Variants in HMMR observed in about 807,000 individuals in gnomAD.
HMMR encodes the protein intracellular hyaluronic acid-binding protein.
HMMR carries 108 observed loss-of-function variants against 101.0 expected under a neutral mutation model. The observed-to-expected ratio is 1.07, with a 90% CI of 0.92 to 1.25. The LOEUF (loss-of-function observed/expected upper bound fraction) is 1.25, where lower values mean the gene tolerates loss of function less well. Ranked by LOEUF, HMMR falls within the 50% of genes most tolerant of loss-of-function variation. The pLI, the probability that HMMR is intolerant of heterozygous loss-of-function variation, is 0.00. For missense variants in HMMR, 813 were observed against 788.7 expected (o/e 1.03, Z -0.37); for synonymous variants, 296 against 276.4 (o/e 1.07, Z -0.70).
chr5:163,483,393 TTG>T, intron 15 of HMMR, 26 bp downstream of exon 15: 1 of 1,256,936 alleles, frequency 8.0e-7, no homozygotes. Flanking sequence ...GTAAACTTAC[TTG>T]TGTTTATTTT....
At chr5:163,465,656 A>C (rs1027056057) in intron 3 of HMMR, among the ~76,000 whole-genome samples, 24 of 152,098 alleles carry the variant, frequency 1.6e-4, no homozygotes, top group African/African-American at 4.6e-4. Context: ...CCGCCATATA[A>C]TACTTTTTAA....
At chr5:163,480,927 G>T (rs888421334) in intron 12 of HMMR, among the ~76,000 whole-genome samples, 6 of 151,836 alleles carry the variant, frequency 4.0e-5, no homozygotes, top group Non-Finnish European at 8.8e-5. Flanking sequence ...GGAAATTCTT[G>T]ATTTCAATAT....
chr5:163,463,414 C>T (rs866210229), intron 1 of HMMR, among the ~76,000 whole-genome samples: 6 of 152,094 alleles, frequency 3.9e-5, no homozygotes, highest in Non-Finnish European at 7.4e-5. Flanking sequence ...TTGATATTAG[C>T]CAGAGATGGA....
intron 2 of HMMR, 112 bp from the exon 3 acceptor site, chr5:163,464,611 A>G: frequency 4.0e-6 from 3 of 751,790 alleles, no homozygotes; most frequent in East Asian, 2.7e-5. Context: ...GACTGTCTCA[A>G]AAAACAAAAA....
intron 1 of HMMR, 145 bp from the exon 2 acceptor site, chr5:163,463,711 T>A (rs917145451): frequency 4.7e-6 from 2 of 424,462 alleles, no homozygotes; most frequent in African/African-American, 4.1e-5. Flanking sequence ...TTCTTTGTAA[T>A]ATCAAATGGA....
chr5:163,475,524 CTGTT>C lies in HMMR; in HGVS notation c.1123_1126del (p.Phe375ArgfsTer4), dbSNP rs1231408532. 1.7e-5 allele frequency: 27 copies of C among 1,608,918 alleles called. No homozygotes were observed. The highest frequency in any genetic ancestry group is 2.2e-5 in the Non-Finnish European group (26 of 1,176,194). Reference sequence around the variant, plus strand: ...AGAGGAAATGGTTAAAGAGAAGAATCTGTTTGAGGAAGAATTAAAGCAAACACTG... The same window carrying C: ...AGAGGAAATGGTTAAAGAGAAGAATCTGAGGAAGAATTAAAGCAAACACTG... On this transcript the variant is annotated frameshift_variant, in exon 11 of 18. Coordinates refer to ENST00000393915, the MANE Select transcript of HMMR (RefSeq NM_001142556.2). LOFTEE classifies it high-confidence loss of function.
intron 4 of HMMR, among the ~76,000 whole-genome samples, chr5:163,467,949 G>A (rs1483951770): frequency 6.6e-6 from 1 of 152,158 alleles, no homozygotes; most frequent in African/African-American, 2.4e-5. Flanking sequence ...TGCTGGCAAC[G>A]CCGAGATTAA....
In HMMR at chr5:163,473,466, C is replaced by A; in HGVS notation, c.813C>A (p.Ser271Arg). The change falls in exon 9 of 18, where the codon AGC becomes AGA. Residue 271 changes from serine to arginine, a missense_variant. Transcript: ENST00000393915. The stretch of plus-strand genomic sequence containing the variant: ...AAGAGAAGAATGATGAAATTTTAAG[C>A]CTTAAGCAGTCTCTTGAGGAGAATA... ...NLKEKNDEIL[S>R]LKQSLEENIV... is the part of the protein sequence containing the mutation. 1 of 1,603,918 alleles carries A rather than the reference C, an allele frequency of 6.2e-7. No homozygotes were observed. The highest frequency in any genetic ancestry group is 8.5e-7 in the Non-Finnish European group (1 of 1,171,826).
At position 163,491,178 on chromosome 5, in the gene HMMR, C is replaced by G; in HGVS notation, c.*14C>G. ...TCATGGAAGTAAACATCTGAGAAAC[C>G]TGTTGAAGATTATTTCATTCGTCTT... On this transcript the variant is annotated 3_prime_UTR_variant, in exon 18 of 18. Coordinates refer to ENST00000393915, the MANE Select transcript of HMMR (RefSeq NM_001142556.2). 6.8e-7 allele frequency: 1 copy of G among 1,463,934 alleles called. No homozygotes were observed. Among genetic ancestry groups the G allele is most frequent in the South Asian group, 1.2e-5 (1 of 80,942 alleles). 90.7% of individuals were successfully genotyped at this position (1,463,934 alleles called of 1,614,324 possible).
intron 7 of HMMR, among the ~76,000 whole-genome samples, chr5:163,472,838 A>G (rs867109434): frequency 2.0e-4 from 30 of 152,168 alleles, no homozygotes; most frequent in Admixed American, 1.3e-4. Context: ...CAAAAGCTTT[A>G]TGGGCACACA....
chr5:163,484,445 C>T (rs760594608), intron 16 of HMMR, among the ~76,000 whole-genome samples, 200 bp downstream of exon 16: 23 of 152,060 alleles, frequency 1.5e-4, no homozygotes, highest in Non-Finnish European at 3.1e-4. Flanking sequence ...TAGCTACCTT[C>T]TTAATATATT....
At chr5:163,468,236 T>C (rs1418104905) in intron 4 of HMMR, among the ~76,000 whole-genome samples, 1 of 152,220 alleles carries the variant, frequency 6.6e-6, no homozygotes, top group African/African-American at 2.4e-5. Flanking sequence ...CTGTTTGATA[T>C]GGTAGCTACT....
intron 17 of HMMR, 120 bp from the exon 18 acceptor site, chr5:163,490,992 T>G: frequency 2.0e-6 from 1 of 505,986 alleles, no homozygotes; most frequent in South Asian, 4.1e-5. Flanking sequence ...AAAAATTATC[T>G]TACAGAATAT....
At position 163,469,805 on chromosome 5, in the gene HMMR, GACTAATGA is replaced by G; in HGVS notation, c.443_450del (p.Asn148ThrfsTer4). The G allele has an allele frequency of 6.2e-7, 1 of 1,604,018 alleles. No homozygotes were observed. Among genetic ancestry groups the G allele is most frequent in the Non-Finnish European group, 8.5e-7 (1 of 1,173,076 alleles). On this transcript the variant is annotated frameshift_variant, in exon 5 of 18. Transcript: ENST00000393915. LOFTEE classifies it high-confidence loss of function. Reference sequence around the variant, plus strand: ...AAAAACAACTTATTGAATTGACCAGGACTAATGAACTACTAAAATCTAAGGTATCTGAG... The same window carrying G: ...AAAAACAACTTATTGAATTGACCAGGACTACTAAAATCTAAGGTATCTGAG...
chr5:163,490,322 A>G, intron 16 of HMMR, 68 bp from the exon 17 acceptor site: 2 of 1,087,502 alleles, frequency 1.8e-6, no homozygotes, highest in South Asian at 1.6e-5. Context: ...TGCCCGCAAC[A>G]TTGGTAACAC....
Position 163,483,046 on chromosome 5 carries a change from C to A in HMMR, c.1559C>A (p.Ser520Ter). Residue 520 changes from serine to a stop codon, truncating the protein, a stop_gained, in exon 14 of 18, where the codon TCA becomes TAA. Coordinates refer to ENST00000393915, the MANE Select transcript of HMMR (RefSeq NM_001142556.2). LOFTEE classifies it high-confidence loss of function. ...ATGCTTCTAGATCTGCAGACCAAGT[C>A]AGCACTAAAGGAAACAGAAATTAAA... ...VRMLLDLQTKSALKETEIKEI... is the reference protein window; with the variant it reads ...VRMLLDLQTK 1.2e-6 allele frequency: 2 copies of A among 1,609,822 alleles called. No individual in the cohort carries two copies. Among genetic ancestry groups the A allele is most frequent in the South Asian group, 2.2e-5 (2 of 90,214 alleles).
At chr5:163,473,799 TAC>T (rs1758978599) in intron 9 of HMMR, among the ~76,000 whole-genome samples, 1 of 152,068 alleles carries the variant, frequency 6.6e-6, no homozygotes, top group Non-Finnish European at 1.5e-5. Context: ...TTGAAATATA[TAC>T]AGTCATATAA....
chr5:163,474,128 T>A lies in HMMR; in HGVS notation c.976T>A (p.Phe326Ile), dbSNP rs1448929632. Residue 326 changes from phenylalanine (F) to isoleucine (I), a missense_variant, in exon 10 of 18, where the codon TTT becomes ATT. Phe to Ile is a conservative substitution (Grantham distance 21, BLOSUM62 0). Coordinates refer to ENST00000393915, the MANE Select transcript of HMMR (RefSeq NM_001142556.2). ...AGAGATGCAAAACTTAAAACAGAAG[T>A]TTATTCTTGAACAACAGGAACGTGA... The part of the protein sequence containing the change: ...NAEMQNLKQK[F>I]ILEQQEREKL... 6.2e-7 allele frequency: 1 copy of A among 1,611,526 alleles called. No individual in the cohort carries two copies.
At chr5:163,482,557 A>C (rs1259669948) in intron 12 of HMMR, 85 bp from the exon 13 acceptor site, 2 of 960,696 alleles carry the variant, frequency 2.1e-6, no homozygotes, top group African/African-American at 1.7e-5. Context: ...TTTACTTAGA[A>C]GTATATAAAG....
Sources: gnomAD v4.1 joint callset for allele counts (sites outside exome capture counted in the v4.1 genomes callset) on GRCh38, gnomAD v4.1.1 for gene constraint, MANE v1.5 for transcripts, NCBI Gene and HGNC (gene_info 2026-07-23, HGNC 2026-07-21) for gene names.